RGS21: variants seen among roughly 807,000 people sequenced by gnomAD.
RGS21 encodes regulator of G protein signaling 21.
RGS21 carries 19 observed loss-of-function variants against 18.7 expected under a neutral mutation model. That is an observed-to-expected ratio of 1.01 (90% CI 0.71 to 1.49). The LOEUF is 1.49. Among genes scored for constraint, RGS21 ranks in the 40% most tolerant of loss-of-function variants. RGS21 has a pLI of 0.00. For missense variants in RGS21, 194 were observed against 176.8 expected (o/e 1.10, Z -0.55); for synonymous variants, 56 against 57.8 (o/e 0.97, Z 0.14).
chr1:192,317,154 A>G (rs1250095103), intron 1 of RGS21, 49 bp downstream of exon 1: 1 of 151,960 alleles, frequency 6.6e-6, no homozygotes, highest in Non-Finnish European at 1.5e-5. Context: ...ACTTGTTACA[A>G]AGATTAAACT....
chr1:192,334,173 T>C (rs1330808967), intron 1 of RGS21, among the ~76,000 whole-genome samples: 1 of 152,126 alleles, frequency 6.6e-6, no homozygotes, highest in Admixed American at 6.5e-5. Flanking sequence ...ATAAGTGTAG[T>C]AGAAAGTATA....
At chr1:192,322,068 T>C (rs1456841721) in intron 1 of RGS21, among the ~76,000 whole-genome samples, 1 of 152,086 alleles carries the variant, frequency 6.6e-6, no homozygotes, top group Non-Finnish European at 1.5e-5. Flanking sequence ...TAATCTAATA[T>C]CCTGCCCCTT....
In RGS21 at chr1:192,344,235, G is replaced by GA. The variant is rs955836561; in HGVS notation, c.11+1195dup. On this transcript the variant is annotated intron_variant, in intron 2 of 4. Transcript: ENST00000417209. ...GAAATATGATAAATCTCTATTGCAGGAAAAAAACACTTTTTAGGTAGTTAT... is the reference window on the plus strand; with the variant it reads ...GAAATATGATAAATCTCTATTGCAGGAAAAAAAACACTTTTTAGGTAGTTAT... Among the ~76,000 whole-genome samples the GA allele has an allele frequency of 2.6e-5, 4 of 151,740 alleles. No individual in the cohort carries two copies. The East Asian group carries it at 5.8e-4, about 22-fold the overall frequency.
chr1:192,332,979 A>T (rs1331545053), intron 1 of RGS21, among the ~76,000 whole-genome samples: 1 of 152,138 alleles, frequency 6.6e-6, no homozygotes, highest in Non-Finnish European at 1.5e-5. Context: ...GTTAAAAAAA[A>T]ATAACAACTA....
At chr1:192,358,083 G>T (rs761423679) in intron 4 of RGS21, among the ~76,000 whole-genome samples, 3 of 151,926 alleles carry the variant, frequency 2.0e-5, no homozygotes, top group Non-Finnish European at 4.4e-5. Flanking sequence ...TGTAGCTTTT[G>T]TATATCTATT....
At chr1:192,345,836 A>G (rs17413778) in intron 2 of RGS21, among the ~76,000 whole-genome samples, 19,376 of 152,030 alleles carry the variant, frequency 0.13, 1,350 homozygotes, top group Non-Finnish European at 0.15. Flanking sequence ...TAGAATTCCT[A>G]CAAGTTCTAA....
intron 1 of RGS21, among the ~76,000 whole-genome samples, chr1:192,323,247 G>T (rs1272585186): frequency 6.6e-6 from 1 of 152,070 alleles, no homozygotes; most frequent in Non-Finnish European, 1.5e-5. Context: ...TTGCATAAAG[G>T]TTGGCTGTGA....
intron 1 of RGS21, among the ~76,000 whole-genome samples, chr1:192,328,630 G>C (rs1421839749): frequency 1.3e-5 from 2 of 152,112 alleles, no homozygotes; most frequent in African/African-American, 4.8e-5. Flanking sequence ...AATAGGTAAA[G>C]TGTGTCTAAT....
intron 1 of RGS21, among the ~76,000 whole-genome samples, chr1:192,340,947 T>A (rs1200349708): frequency 6.6e-6 from 1 of 152,092 alleles, no homozygotes; most frequent in Non-Finnish European, 1.5e-5. Flanking sequence ...GGAGCTACAA[T>A]TCAAGATGAA....
At chr1:192,348,738 A>T (rs1438767872) in intron 3 of RGS21, among the ~76,000 whole-genome samples, 1 of 151,750 alleles carries the variant, frequency 6.6e-6, no homozygotes, top group Non-Finnish European at 1.5e-5. Context: ...AGGAAAAATG[A>T]CACTGTGAAA....
chr1:192,327,078 T>G (rs1248239069), intron 1 of RGS21, among the ~76,000 whole-genome samples: 1 of 152,140 alleles, frequency 6.6e-6, no homozygotes. Context: ...TAATAGAATG[T>G]GTAGAAGCAC....
At chr1:192,363,908 C>G (rs146350178) in intron 4 of RGS21, among the ~76,000 whole-genome samples, 2 of 152,084 alleles carry the variant, frequency 1.3e-5, no homozygotes, top group African/African-American at 4.8e-5. Context: ...TTCAACTTTA[C>G]ATCTAAAACA....
chr1:192,352,083 A>G lies in RGS21; in HGVS notation c.125A>G (p.Glu42Gly), dbSNP rs1659050808. ...GCTTTTCGAATATTTCTAAAATCAG[A>G]GTTTAGTGAAGAAAATGTTGAGTTC... ...LDAFRIFLKS[E>G]FSEENVEFWL... The change falls in exon 4 of 5, where the codon GAG becomes GGG. Residue 42 changes from glutamate to glycine, a missense_variant. Physicochemically the swap from Glu to Gly is moderately conservative, Grantham distance 98. Transcript: ENST00000417209. 6.2e-7 allele frequency: 1 copy of G among 1,601,300 alleles called. No individual in the cohort carries two copies. Among genetic ancestry groups the G allele is most frequent in the Non-Finnish European group, 8.5e-7 (1 of 1,175,634 alleles).
intron 3 of RGS21, among the ~76,000 whole-genome samples, chr1:192,348,009 CAT>C (rs147266394): frequency 6.1e-5 from 9 of 146,986 alleles, no homozygotes; most frequent in Admixed American, 6.0e-4. Context: ...CATACACATA[CAT>C]ATATATATGT....
rs80092701 is a variant in RGS21, at chr1:192,358,614, C to A, written c.255+6401C>A. On this transcript the variant is annotated intron_variant, in intron 4 of 4. Transcript: ENST00000417209. ...TACTTATGCATGCACACACCCTTTG[C>A]ATAATGACAGTCTCCTGCTACACTA... Among the ~76,000 whole-genome samples, 312 of 152,160 alleles carry A rather than the reference C, an allele frequency of 2.1e-3. 1 individual carries two copies. Among genetic ancestry groups the A allele is most frequent in the African/African-American group, 7.2e-3 (301 of 41,544 alleles).
At chr1:192,335,041 G>T (rs1021089267) in intron 1 of RGS21, among the ~76,000 whole-genome samples, 7 of 151,964 alleles carry the variant, frequency 4.6e-5, no homozygotes, top group African/African-American at 1.7e-4. Flanking sequence ...GTATGATCCC[G>T]AATAAACCTG....
chr1:192,353,842 T>C (rs1659077826), intron 4 of RGS21, among the ~76,000 whole-genome samples: 1 of 151,704 alleles, frequency 6.6e-6, no homozygotes, highest in Non-Finnish European at 1.5e-5. Flanking sequence ...AAACAAAATA[T>C]AATTAAATTG....
At chr1:192,361,206 T>C (rs1488600266) in intron 4 of RGS21, among the ~76,000 whole-genome samples, 1 of 152,154 alleles carries the variant, frequency 6.6e-6, no homozygotes, top group African/African-American at 2.4e-5. Context: ...AATAATCATC[T>C]TGAAATATCC....
chr1:192,329,287 C>T (rs1448729232), intron 1 of RGS21, among the ~76,000 whole-genome samples: 2 of 151,916 alleles, frequency 1.3e-5, no homozygotes, highest in East Asian at 3.8e-4. Context: ...TTCATTTTTT[C>T]CTTGGATATA....
Sources: allele counts gnomAD v4.1 joint callset (sites outside exome capture counted in the v4.1 genomes callset), GRCh38; gene constraint gnomAD v4.1.1; transcripts MANE v1.5; gene names NCBI Gene and HGNC (gene_info 2026-07-23, HGNC 2026-07-21).